CCDC172: variants seen among roughly 807,000 people sequenced by gnomAD.
The protein encoded by CCDC172 is coiled-coil domain-containing protein 172.
In CCDC172, 30 loss-of-function variants were observed where a neutral mutation model predicts 38.0. The ratio of observed to expected loss-of-function variants is 0.79; its 90% confidence interval spans 0.59 to 1.07. The LOEUF is 1.07. Among genes scored for constraint, CCDC172 ranks in the 50% least tolerant of loss-of-function variants. The pLI is 0.00. For synonymous variants in CCDC172, 78 were observed against 88.3 expected, an observed-to-expected ratio of 0.88 and a Z score of 0.66; for missense variants, 297 against 290.1, an observed-to-expected ratio of 1.02 and a Z score of -0.17.
Position 116,354,675 on chromosome 10 carries a change from A to T in CCDC172, c.449-2705A>T, listed in dbSNP as rs556813713. Among the ~76,000 whole-genome samples, 77 of 152,338 alleles carry T rather than the reference A, an allele frequency of 5.1e-4. 1 individual carries two copies. In the South Asian group the frequency reaches 0.016, roughly 32 times the overall value. On this transcript the variant is annotated intron_variant, in intron 5 of 8. Transcript: ENST00000333254. ...GGAGGCGGAGGCGGAGGTTGCAGTG[A>T]GCTGAGATCATGCCACTGCACTCCA... is the stretch of plus-strand genomic sequence containing the variant.
intron 3 of CCDC172, among the ~76,000 whole-genome samples, chr10:116,328,250 A>G (rs1416378964): frequency 1.3e-5 from 2 of 152,096 alleles, no homozygotes; most frequent in African/African-American, 4.8e-5. Context: ...ATATAGTATG[A>G]GTACTTTATG....
chr10:116,358,292 G>A (rs190898322), intron 7 of CCDC172, among the ~76,000 whole-genome samples: 67 of 152,058 alleles, frequency 4.4e-4, no homozygotes, highest in African/African-American at 1.1e-3. Context: ...AGATTCCAGC[G>A]GTGGGAGGAA....
chr10:116,324,870 C>A, intron 1 of CCDC172, 77 bp from the exon 2 acceptor site: 2 of 679,056 alleles, frequency 2.9e-6, no homozygotes, highest in Non-Finnish European at 5.1e-6. Flanking sequence ...TCTTGCTGGG[C>A]TGGCGACAGA....
chr10:116,371,024 T>C (rs896737817), intron 7 of CCDC172, among the ~76,000 whole-genome samples: 9 of 151,856 alleles, frequency 5.9e-5, no homozygotes, highest in African/African-American at 2.2e-4. Flanking sequence ...CTCAAACTAT[T>C]ATGCCTCTAA....
chr10:116,367,002 G>T (rs1845130478), intron 7 of CCDC172, among the ~76,000 whole-genome samples: 1 of 151,886 alleles, frequency 6.6e-6, no homozygotes. Flanking sequence ...TGAGTAATTT[G>T]TCTTTTTCCT....
In CCDC172 at chr10:116,340,753, A is replaced by G; in HGVS notation, c.185A>G (p.Lys62Arg). 6.3e-7 allele frequency: 1 copy of G among 1,586,786 alleles called. No homozygotes were observed. The highest frequency in any genetic ancestry group is 8.6e-7 in the Non-Finnish European group (1 of 1,164,900). ...LESKVQQFFE[K>R]SFFLQLLKAH... ...TTGAAGGTTCAACAGTTTTTTGAAAAATCCTTCTTCTTACAGCTTTTGAAA... is the reference window on the plus strand; with the variant it reads ...TTGAAGGTTCAACAGTTTTTTGAAAGATCCTTCTTCTTACAGCTTTTGAAA... Residue 62 changes from lysine to arginine, a missense_variant, in exon 4 of 9, where the codon AAA (lysine) becomes AGA (arginine). Physicochemically the swap from Lys to Arg is conservative, Grantham distance 26. Transcript: ENST00000333254.
At chr10:116,371,745 C>T (rs1354432006) in intron 7 of CCDC172, among the ~76,000 whole-genome samples, 1 of 151,998 alleles carries the variant, frequency 6.6e-6, no homozygotes, top group Admixed American at 6.6e-5. Flanking sequence ...GACAAATTTG[C>T]AGGGACTATA....
chr10:116,360,216 A>G lies in CCDC172; in HGVS notation c.653+2278A>G, dbSNP rs1327727297. Among the ~76,000 whole-genome samples, 4 of 152,174 alleles carry G rather than the reference A, an allele frequency of 2.6e-5. No individual in the cohort carries two copies. The East Asian group carries it at 7.7e-4, about 29-fold the overall frequency. On this transcript the variant is annotated intron_variant, in intron 7 of 8. Transcript: ENST00000333254. The stretch of plus-strand genomic sequence containing the variant: ...CCAAAGAGGTATGTAATTATGACTG[A>G]TCTGGTTTTTTCATATAGTGTAGGG...
At chr10:116,374,384 C>G (rs975615461) in intron 7 of CCDC172, among the ~76,000 whole-genome samples, 17 of 152,210 alleles carry the variant, frequency 1.1e-4, no homozygotes, top group Admixed American at 9.8e-4. Context: ...AGACCACATT[C>G]ATATAACTTT....
chr10:116,347,356 A>G (rs1421908418), intron 5 of CCDC172, among the ~76,000 whole-genome samples: 1 of 152,190 alleles, frequency 6.6e-6, no homozygotes, highest in Admixed American at 6.5e-5. Context: ...ATAAGGACTA[A>G]GAAGCAGCAA....
intron 3 of CCDC172, among the ~76,000 whole-genome samples, chr10:116,327,670 G>A (rs996892389): frequency 2.0e-5 from 3 of 152,010 alleles, no homozygotes; most frequent in Non-Finnish European, 4.4e-5. Flanking sequence ...ATATATGTGG[G>A]TAATAATACA....
chr10:116,347,831 C>T (rs1210138280), intron 5 of CCDC172, among the ~76,000 whole-genome samples: 1 of 152,100 alleles, frequency 6.6e-6, no homozygotes, highest in East Asian at 1.9e-4. Flanking sequence ...TTAGTTGCAT[C>T]CTCCACCATT....
intron 5 of CCDC172, among the ~76,000 whole-genome samples, chr10:116,352,235 A>G (rs990680208): frequency 6.6e-6 from 1 of 152,200 alleles, no homozygotes; most frequent in African/African-American, 2.4e-5. Flanking sequence ...CATGACCCAT[A>G]AGTAGCTTAC....
At chr10:116,324,706 A>C in intron 1 of CCDC172, 93 bp downstream of exon 1, 1 of 307,682 alleles carries the variant, frequency 3.3e-6, no homozygotes, top group Middle Eastern at 9.4e-4. Flanking sequence ...GGAAAAAGGC[A>C]GACCTTGAAA....
chr10:116,329,687 C>T (rs1370331660), intron 3 of CCDC172, among the ~76,000 whole-genome samples: 1 of 152,112 alleles, frequency 6.6e-6, no homozygotes, highest in Non-Finnish European at 1.5e-5. Flanking sequence ...TTGCCATCTT[C>T]TCTATGTTAA....
intron 7 of CCDC172, among the ~76,000 whole-genome samples, chr10:116,364,029 AT>A (rs1663509536): frequency 6.6e-6 from 1 of 152,142 alleles, no homozygotes; most frequent in South Asian, 2.1e-4. Context: ...AATTATAGTC[AT>A]TATGATAAAC....
At chr10:116,342,461 G>A (rs1419499401) in intron 5 of CCDC172, among the ~76,000 whole-genome samples, 1 of 152,100 alleles carries the variant, frequency 6.6e-6, no homozygotes, top group Non-Finnish European at 1.5e-5. Flanking sequence ...TCTAGGTCTT[G>A]AAGATATAAC....
chr10:116,379,825 G>A lies in CCDC172; in HGVS notation c.*467G>A, dbSNP rs547000960. 2.0e-5 allele frequency: 3 copies of A among 152,528 alleles called. No individual in the cohort carries two copies. Among genetic ancestry groups the A allele is most frequent in the Admixed American group, 2.0e-4 (3 of 15,266 alleles). 9.4% of individuals were successfully genotyped at this position (152,528 alleles called of 1,614,324 possible). On this transcript the variant is annotated 3_prime_UTR_variant, in exon 9 of 9. Coordinates refer to ENST00000333254, the MANE Select transcript of CCDC172 (RefSeq NM_198515.3). Reference sequence around the variant, plus strand: ...CACCATTCTTCTTGGTACTGTCCTTGAGTTCTCCTGAGAGCTAGTTGTTTA... The same window carrying A: ...CACCATTCTTCTTGGTACTGTCCTTAAGTTCTCCTGAGAGCTAGTTGTTTA...
chr10:116,369,368 T>A (rs1221213578), intron 7 of CCDC172, among the ~76,000 whole-genome samples: 1 of 152,164 alleles, frequency 6.6e-6, no homozygotes, highest in South Asian at 2.1e-4. Flanking sequence ...GTTACTGTTT[T>A]TGCTAGTTTT....
Sources: gnomAD v4.1 joint callset for allele counts (sites outside exome capture counted in the v4.1 genomes callset) on GRCh38, gnomAD v4.1.1 for gene constraint, MANE v1.5 for transcripts, NCBI Gene and HGNC (gene_info 2026-07-23, HGNC 2026-07-21) for gene names.